Variants in MYO10 observed in about 807,000 individuals in gnomAD.
The protein encoded by MYO10 is myosin X, also known as unconventional myosin-X.
A neutral mutation model predicts 257.3 loss-of-function variants in MYO10; 133 were observed. That is an observed-to-expected ratio of 0.52 (90% CI 0.45 to 0.60). The LOEUF is 0.60. Ranked by LOEUF, MYO10 falls within the 20% of genes least tolerant of loss-of-function variation. The pLI, the probability that MYO10 is intolerant of heterozygous loss-of-function variation, is 0.00. For missense variants in MYO10, 2,399 were observed against 2,635.7 expected (o/e 0.91, Z 1.97); for synonymous variants, 1,104 against 1,028.6 (o/e 1.07, Z -1.40).
chr5:16,784,413 G>C (rs995248592), intron 4 of MYO10, among the ~76,000 whole-genome samples: 3 of 152,188 alleles, frequency 2.0e-5, no homozygotes, highest in Non-Finnish European at 4.4e-5. Context: ...AGGGTCCCTC[G>C]GGAGACCAGC....
At chr5:16,695,799 A>G (rs1434356784) in intron 26 of MYO10, among the ~76,000 whole-genome samples, 1 of 152,162 alleles carries the variant, frequency 6.6e-6, no homozygotes, top group Non-Finnish European at 1.5e-5. Flanking sequence ...CTATCCTTTT[A>G]TGCGTTCACT....
At chr5:16,668,984 G>C (rs1736309344) in intron 39 of MYO10, among the ~76,000 whole-genome samples, 1 of 152,132 alleles carries the variant, frequency 6.6e-6, no homozygotes, top group Non-Finnish European at 1.5e-5. Context: ...AGCAGCAATG[G>C]CCTTCCATAT....
At chr5:16,835,492 GTTTTTTTTT>G (rs1554001242) in intron 2 of MYO10, among the ~76,000 whole-genome samples, 3 of 81,060 alleles carry the variant, frequency 3.7e-5, no homozygotes, top group South Asian at 5.0e-4. Flanking sequence ...ATTTTTGGCT[GTTTTTTTTT>G]TTTTTTTTTT....
intron 3 of MYO10, among the ~76,000 whole-genome samples, chr5:16,802,004 T>C (rs1002495487): frequency 5.9e-5 from 9 of 152,202 alleles, no homozygotes; most frequent in African/African-American, 1.9e-4. Flanking sequence ...TAAGACATTA[T>C]GCTAAGTGAA....
chr5:16,779,065 G>T (rs181300905), intron 9 of MYO10, among the ~76,000 whole-genome samples: 50 of 152,272 alleles, frequency 3.3e-4, no homozygotes, highest in Non-Finnish European at 5.9e-4. Context: ...TCCTGATCGT[G>T]TGACAAGACC....
In MYO10 at chr5:16,663,287, T is replaced by C. The variant is rs986936218; in HGVS notation, c.*3405A>G. ...TTTCTGGGAAAGGAAAATGGGTAAT[T>C]AGGGCTACAGCTGGAAAAAAGTAAC... On this transcript the variant is annotated 3_prime_UTR_variant, in exon 41 of 41. Transcript: ENST00000513610. 3.4e-5 allele frequency: 5 copies of C among 145,872 alleles called. No individual in the cohort carries two copies. The highest frequency in any genetic ancestry group is 1.0e-4 in the African/African-American group (4 of 39,032). 9.0% of individuals were successfully genotyped at this position (145,872 alleles called of 1,614,324 possible).
chr5:16,690,468 G>A (rs1006434304), intron 27 of MYO10, among the ~76,000 whole-genome samples: 3 of 152,142 alleles, frequency 2.0e-5, no homozygotes, highest in African/African-American at 7.2e-5. Context: ...GGAGGCTGCT[G>A]GTGTGGCCAG....
intron 2 of MYO10, among the ~76,000 whole-genome samples, chr5:16,851,510 T>C (rs1048411594): frequency 9.2e-5 from 14 of 152,150 alleles, no homozygotes; most frequent in African/African-American, 3.4e-4. Flanking sequence ...AATGAAAATA[T>C]CTTATGAACG....
rs188730195 is a variant in MYO10, at chr5:16,770,820, G to A, written c.931-1617C>T. ...GTTTCGCTGTTTCGCCCAGCCTGGG[G>A]TGCAGTGGCACGATCTCGGCTCACC... On this transcript the variant is annotated intron_variant, in intron 9 of 40. Transcript: ENST00000513610. Among the ~76,000 whole-genome samples, 304 of 152,310 alleles carry A rather than the reference G, an allele frequency of 2.0e-3. 2 individuals carry two copies. In the South Asian group the frequency reaches 0.023, roughly 11 times the overall value.
intron 1 of MYO10, among the ~76,000 whole-genome samples, chr5:16,915,814 G>A (rs1032796935): frequency 2.0e-5 from 3 of 152,106 alleles, no homozygotes; most frequent in Admixed American, 2.0e-4. Context: ...AAAATTAGCC[G>A]GGTGTGGTGG....
chr5:16,704,683 G>A lies in MYO10; in HGVS notation c.2172C>T (p.Val724=), dbSNP rs1324163474. 1 of 1,613,432 alleles carries A rather than the reference G, an allele frequency of 6.2e-7. No individual in the cohort carries two copies. Among genetic ancestry groups the A allele is most frequent in the East Asian group, 2.2e-5 (1 of 44,868 alleles). The change falls in exon 22 of 41, where the codon GTC becomes GTT. Residue 724 remains valine (V), a splice_region_variant and synonymous_variant. Coordinates refer to ENST00000513610, the MANE Select transcript of MYO10 (RefSeq NM_012334.3). ...TCTGTTCCAAGGATTCTCGAAGAAA[G>A]ACCTGCTCAGGACGGAGTCACATGT... is the stretch of plus-strand genomic sequence containing the variant. ...NSEWQLGKTK[V]FLRESLEQKL... is the part of the protein sequence containing the mutation.
chr5:16,854,448 A>G (rs1743901135), intron 2 of MYO10, among the ~76,000 whole-genome samples: 1 of 152,216 alleles, frequency 6.6e-6, no homozygotes, highest in Admixed American at 6.6e-5. Flanking sequence ...AGCCAGACAC[A>G]AAGGACCACG....
intron 3 of MYO10, among the ~76,000 whole-genome samples, chr5:16,805,812 G>A (rs1742259337): frequency 6.6e-6 from 1 of 152,064 alleles, no homozygotes; most frequent in Non-Finnish European, 1.5e-5. Flanking sequence ...ACATTCCCTT[G>A]CCCATTTTAA....
intron 27 of MYO10, among the ~76,000 whole-genome samples, chr5:16,693,054 C>T (rs577018102): frequency 1.3e-5 from 2 of 152,216 alleles, no homozygotes; most frequent in East Asian, 1.9e-4. Flanking sequence ...TGGCTTTGAA[C>T]CCACGAGTTT....
chr5:16,767,167 CTTTTT>C (rs35242676), intron 10 of MYO10, among the ~76,000 whole-genome samples: 3 of 105,316 alleles, frequency 2.8e-5, no homozygotes, highest in East Asian at 5.2e-4. Flanking sequence ...ACCCAACTGT[CTTTTT>C]TTTTTTTTTT....
intron 1 of MYO10, among the ~76,000 whole-genome samples, chr5:16,909,876 A>C (rs1745615413): frequency 6.6e-6 from 1 of 152,028 alleles, no homozygotes; most frequent in Non-Finnish European, 1.5e-5. Context: ...TGGTTGTTGA[A>C]AAGAGCCTGG....
Position 16,783,351 on chromosome 5 carries a change from C to A in MYO10, c.586G>T (p.Ala196Ser), listed in dbSNP as rs1412410280. Residue 196 changes from alanine (A) to serine (S), a missense_variant, in exon 5 of 41, where the codon GCT (alanine) becomes TCT (serine). By Grantham distance (99) the Ala-to-Ser change is moderately conservative. Transcript: ENST00000513610. ...LKEKTSCVER[A>S]ILESSPIMEA... ...AATAAATACCTGCTTTCAAGAATAGCTCGTTCAACACAGGATGTCTTCTCC... is the reference window on the plus strand; with the variant it reads ...AATAAATACCTGCTTTCAAGAATAGATCGTTCAACACAGGATGTCTTCTCC... 1.9e-6 allele frequency: 3 copies of A among 1,584,148 alleles called. No homozygotes were observed. The African/African-American group carries it at 4.0e-5, about 21-fold the overall frequency.
intron 1 of MYO10, among the ~76,000 whole-genome samples, chr5:16,911,765 C>T (rs928217408): frequency 4.6e-5 from 7 of 151,958 alleles, no homozygotes; most frequent in Non-Finnish European, 1.0e-4. Flanking sequence ...TGGCCAGCCG[C>T]GGTGGCTCAT....
chr5:16,701,943 G>T lies in MYO10; in HGVS notation c.2557-105C>A. On this transcript the variant is annotated intron_variant, in intron 24 of 40. Transcript: ENST00000513610. This position sits in a 1 kb window ranked among gnomAD's most constrained non-coding sequence, Gnocchi z 8.1. ...AAATATGGTCATTATGAGTTGGACT[G>T]TGTCCCCATAAAGTCTATAGGTTGA... 1 of 1,322,186 alleles carries T rather than the reference G, an allele frequency of 7.6e-7. No individual in the cohort carries two copies. Among genetic ancestry groups the T allele is most frequent in the Non-Finnish European group, 1.0e-6 (1 of 982,162 alleles). The allele number at this position is 1,322,186 out of a possible 1,614,324, so 81.9% of individuals were successfully genotyped here.
Sources: gnomAD v4.1 joint callset for allele counts (sites outside exome capture counted in the v4.1 genomes callset) on GRCh38, gnomAD v4.1.1 for gene constraint, Gnocchi (gnomAD v3.1) non-coding constraint, MANE v1.5 for transcripts, NCBI Gene and HGNC (gene_info 2026-07-23, HGNC 2026-07-21) for gene names.